ZBTB20: variants seen among roughly 807,000 people sequenced by gnomAD.
ZBTB20 encodes zinc finger and BTB domain-containing protein 20.
Under a neutral mutation model 56.9 loss-of-function variants are expected in ZBTB20, and 9 were observed. The ratio of observed to expected loss-of-function variants is 0.16; its 90% confidence interval spans 0.10 to 0.28. The LOEUF (loss-of-function observed/expected upper bound fraction) is 0.28, where lower values mean the gene tolerates loss of function less well. ZBTB20 is among the 10% of genes least tolerant of loss of function. ZBTB20 has a pLI of 1.00. For synonymous variants in ZBTB20, 417 were observed against 420.7 expected (o/e 0.99, Z 0.11); for missense variants, 655 against 1,003.0 (o/e 0.65, Z 4.69).
At chr3:114,995,207 C>G (rs2078976263) in intron 2 of ZBTB20, among the ~76,000 whole-genome samples, 2 of 151,830 alleles carry the variant, frequency 1.3e-5, no homozygotes, top group African/African-American at 4.8e-5. Flanking sequence ...TCAACTATTT[C>G]TGCAATGACT....
chr3:114,571,799 T>G (rs1039052704), intron 6 of ZBTB20, among the ~76,000 whole-genome samples: 14 of 152,122 alleles, frequency 9.2e-5, no homozygotes, highest in African/African-American at 3.4e-4. Context: ...TCTCTTGAGG[T>G]GGAACTCAGA....
chr3:114,931,361 TC>T, intron 3 of ZBTB20: 2 of 239,110 alleles, frequency 8.4e-6, no homozygotes, highest in Non-Finnish European at 8.4e-6. Flanking sequence ...CTATGTAGAC[TC>T]CCAGAAAACC....
At chr3:114,961,845 A>T (rs544927226) in intron 3 of ZBTB20, among the ~76,000 whole-genome samples, 1 of 152,146 alleles carries the variant, frequency 6.6e-6, no homozygotes, top group Non-Finnish European at 1.5e-5. Context: ...AATATGTCTG[A>T]TTAATAAGAA....
At chr3:114,344,510 T>C (rs2080039052) in intron 11 of ZBTB20, among the ~76,000 whole-genome samples, 1 of 152,192 alleles carries the variant, frequency 6.6e-6, no homozygotes, top group African/African-American at 2.4e-5. Context: ...GCTTTGATAG[T>C]TTTACAGCAT....
At chr3:114,786,932 G>C (rs1288862648) in intron 5 of ZBTB20, among the ~76,000 whole-genome samples, 3 of 151,898 alleles carry the variant, frequency 2.0e-5, no homozygotes, top group Non-Finnish European at 2.9e-5. Context: ...ACACTACTTA[G>C]CAATAAAAAA....
At chr3:114,744,203 C>T (rs542680128) in intron 5 of ZBTB20, among the ~76,000 whole-genome samples, 14 of 152,248 alleles carry the variant, frequency 9.2e-5, no homozygotes, top group African/African-American at 3.1e-4. Flanking sequence ...AAAGGCAGCT[C>T]AAGAGTCAAT....
intron 7 of ZBTB20, among the ~76,000 whole-genome samples, chr3:114,490,383 G>A (rs943646587): frequency 3.9e-5 from 6 of 151,940 alleles, no homozygotes; most frequent in East Asian, 1.9e-4. Flanking sequence ...CACTATGCCC[G>A]GCTAATTTTT....
At chr3:114,683,495 T>C (rs1234054374) in intron 6 of ZBTB20, among the ~76,000 whole-genome samples, 1 of 152,108 alleles carries the variant, frequency 6.6e-6, no homozygotes, top group Non-Finnish European at 1.5e-5. Context: ...AAGGCTTCAG[T>C]ACAGGCAGTA....
chr3:114,495,651 C>T (rs760170770), intron 7 of ZBTB20, among the ~76,000 whole-genome samples: 5 of 151,304 alleles, frequency 3.3e-5, no homozygotes, highest in African/African-American at 7.3e-5. Context: ...TGGCTATAGT[C>T]GATTGGTGTT....
intron 6 of ZBTB20, among the ~76,000 whole-genome samples, chr3:114,557,475 GT>G (rs1475080673): frequency 6.6e-6 from 1 of 151,818 alleles, no homozygotes; most frequent in Non-Finnish European, 1.5e-5. Context: ...GTACCTAATT[GT>G]TTTTGGTCCA....
intron 7 of ZBTB20, among the ~76,000 whole-genome samples, chr3:114,455,679 T>A (rs563781731): frequency 1.3e-5 from 2 of 152,194 alleles, no homozygotes; most frequent in East Asian, 3.9e-4. Context: ...AGTGGGCAGA[T>A]AGGCAGACAG....
At chr3:114,394,280 C>T (rs2086149021) in intron 7 of ZBTB20, among the ~76,000 whole-genome samples, 1 of 152,166 alleles carries the variant, frequency 6.6e-6, no homozygotes. Flanking sequence ...GTTTAGAAAG[C>T]TACTGGATAG....
At chr3:114,741,814 G>C (rs2066609936) in intron 5 of ZBTB20, among the ~76,000 whole-genome samples, 2 of 151,370 alleles carry the variant, frequency 1.3e-5, no homozygotes, top group African/African-American at 4.9e-5. Context: ...CTTGGAGGCG[G>C]AGGTTGCAGC....
intron 6 of ZBTB20, among the ~76,000 whole-genome samples, chr3:114,557,349 A>C (rs1034229195): frequency 6.6e-6 from 1 of 151,986 alleles, no homozygotes; most frequent in South Asian, 2.1e-4. Flanking sequence ...CAGAAATTCT[A>C]TTATAGAATT....
intron 6 of ZBTB20, among the ~76,000 whole-genome samples, chr3:114,505,898 A>AG (rs2044550665): frequency 6.6e-6 from 1 of 152,126 alleles, no homozygotes; most frequent in South Asian, 2.1e-4. Flanking sequence ...AATTTGTACT[A>AG]GATTTAATGA....
chr3:114,365,788 T>C lies in ZBTB20; in HGVS notation c.200-13910A>G, dbSNP rs16822560. On this transcript the variant is annotated intron_variant, in intron 10 of 11. Coordinates refer to ENST00000675478, the MANE Select transcript of ZBTB20 (RefSeq NM_001348800.3). ...TCTATCAAAAACAGGCACCAGATTA[T>C]ACTACAAAGTTGACCTGCCATATTG... 4.6e-3 allele frequency among the ~76,000 whole-genome samples: 708 copies of C among 152,288 alleles called. 5 individuals carry two copies. Among genetic ancestry groups the C allele is most frequent in the African/African-American group, 0.015 (620 of 41,562 alleles).
intron 6 of ZBTB20, among the ~76,000 whole-genome samples, chr3:114,582,975 A>C (rs2054809177): frequency 6.6e-6 from 1 of 152,258 alleles, no homozygotes; most frequent in Non-Finnish European, 1.5e-5. Flanking sequence ...GCCAATGCAC[A>C]AAGATCATCC....
intron 2 of ZBTB20, among the ~76,000 whole-genome samples, chr3:114,979,028 T>C (rs923601466): frequency 2.6e-5 from 4 of 151,648 alleles, no homozygotes; most frequent in Non-Finnish European, 5.9e-5. Flanking sequence ...AAAGGGCAGG[T>C]ATCGTGAGGA....
chr3:114,832,280 A>C lies in ZBTB20; in HGVS notation c.-416-31106T>G, dbSNP rs995368491. 2.6e-5 allele frequency among the ~76,000 whole-genome samples: 4 copies of C among 151,790 alleles called. No homozygotes were observed. The East Asian group carries it at 7.7e-4, about 29-fold the overall frequency. On this transcript the variant is annotated intron_variant, in intron 4 of 11. Transcript: ENST00000675478. ...GGAATACCAGGTTGATACAACAGTC[A>C]TTTTTTTTCAACAGAAGTGCAGGTT...
Sources: allele counts gnomAD v4.1 joint callset (sites outside exome capture counted in the v4.1 genomes callset), GRCh38; gene constraint gnomAD v4.1.1; transcripts MANE v1.5; gene names NCBI Gene and HGNC (gene_info 2026-07-23, HGNC 2026-07-21).